The following L1CAM variants were observed in gnomAD, a reference collection of about 807,000 sequenced individuals.
L1CAM encodes neural cell adhesion molecule L1.
A neutral mutation model predicts 93.0 loss-of-function variants in L1CAM; 8 were observed. That is an observed-to-expected ratio of 0.09 (90% CI 0.05 to 0.16). The LOEUF (loss-of-function observed/expected upper bound fraction) is 0.16. L1CAM is among the 10% of genes least tolerant of loss of function. L1CAM has a pLI of 1.00. For missense variants in L1CAM, 777 were observed against 1,073.4 expected (o/e 0.72, Z 3.86); for synonymous variants, 453 against 453.0 (o/e 1.00, Z 0.00).
intron 26 of L1CAM, 86 bp from the exon 27 acceptor site, chrX:153,863,635 C>A: frequency 4.2e-6 from 4 of 952,212 alleles, no homozygotes; most frequent in Non-Finnish European, 5.9e-6. Flanking sequence ...ACCCCCAGCA[C>A]TCTGTCTCAA....
chrX:153,870,273 G>A, intron 8 of L1CAM, 33 bp from the exon 9 acceptor site: 1 of 1,201,499 alleles, frequency 8.3e-7, no homozygotes, highest in East Asian at 3.0e-5. Context: ...AGAGCAGAAG[G>A]GAGAAAGGAC....
chrX:153,863,485 G>A lies in L1CAM; in HGVS notation c.3522C>T (p.Gly1174=), dbSNP rs1316389838. ...EARPMKDETF[G]EYRSLESDNE... is the part of the protein sequence containing the mutation. ...CTCCTGCCCCGGCTCACCTGTACTCGCCGAAGGTCTCATCTTTCATCGGTC... is the reference window on the plus strand; with the variant it reads ...CTCCTGCCCCGGCTCACCTGTACTCACCGAAGGTCTCATCTTTCATCGGTC... Residue 1174 remains glycine, a synonymous_variant, in exon 27 of 29, where the codon GGC becomes GGT. Transcript: ENST00000370060. The A allele has an allele frequency of 8.3e-7, 1 of 1,211,048 alleles. No homozygotes were observed. Among genetic ancestry groups the A allele is most frequent in the Admixed American group, 2.2e-5 (1 of 46,069 alleles).
chrX:153,885,686 C>A, intron 1 of L1CAM: 1 of 323,776 alleles, frequency 3.1e-6, no homozygotes, highest in Non-Finnish European at 4.9e-6. Context: ...TGTGGGGGAG[C>A]GCTCGACCCG....
In L1CAM at chrX:153,870,914, G is replaced by A. The variant is rs202098484; in HGVS notation, c.570C>T (p.Asn190=). 29 of 1,208,962 alleles carry A rather than the reference G, an allele frequency of 2.4e-5. 1 individual carries two copies. Among genetic ancestry groups the A allele is most frequent in the Admixed American group, 6.6e-5 (3 of 45,668 alleles). The change falls in exon 7 of 29, where the codon AAC becomes AAT. Residue 190 remains asparagine (N), a synonymous_variant. Transcript: ENST00000370060. ...KQDERVTMGQ[N]GNLYFANVLT... The stretch of plus-strand genomic sequence containing the variant: ...GCACATTGGCAAAGTAGAGGTTGCC[G>A]TTCTGGCCCATCGTCACCCGCTCGT...
chrX:153,882,403 C>T (rs1045068059), intron 1 of L1CAM, among the ~76,000 whole-genome samples: 14 of 110,575 alleles, frequency 1.3e-4, no homozygotes, highest in Non-Finnish European at 1.9e-4. Flanking sequence ...CCTGTTGGGG[C>T]ATCTGAGGAG....
At chrX:153,869,748 C>T in intron 10 of L1CAM, 55 bp downstream of exon 10, 2 of 1,206,030 alleles carry the variant, frequency 1.7e-6, no homozygotes, top group Non-Finnish European at 2.2e-6. Context: ...CTTCCTCTCC[C>T]CCACAGCCCC....
At chrX:153,880,457 G>GT in intron 1 of L1CAM, 3 of 236,125 alleles carry the variant, frequency 1.3e-5, no homozygotes, top group Non-Finnish European at 1.6e-5. Context: ...ATGGTGCCTG[G>GT]TGACTCAGTG....
intron 7 of L1CAM, 39 bp from the exon 8 acceptor site, chrX:153,870,538 C>T (rs1557092802): frequency 1.8e-6 from 2 of 1,088,649 alleles, no homozygotes; most frequent in South Asian, 3.8e-5. Flanking sequence ...GCCCACTCTT[C>T]CCTCCACCCC....
chrX:153,872,876 G>C (rs1179195127), intron 3 of L1CAM, 179 bp from the exon 4 acceptor site: 4 of 477,264 alleles, frequency 8.4e-6, no homozygotes, highest in Non-Finnish European at 1.5e-5. Context: ...GAGGGAGAGA[G>C]GGGACAGCCA....
chrX:153,869,716 T>C, intron 10 of L1CAM, 53 bp from the exon 11 acceptor site: 1 of 1,200,681 alleles, frequency 8.3e-7, no homozygotes, highest in East Asian at 3.0e-5. Context: ...TGAGCTGCGT[T>C]GAGGCCCTTC....
Position 153,869,634 on chromosome X carries a change from G to C in L1CAM, c.1153C>G (p.Gln385Glu), listed in dbSNP as rs200187371. Reference sequence around the variant, plus strand: ...TTGCTCAGGATCAGGGCGCCACGCTGAATCCGGTACTTCTGGTCTTTGGCC... The same window carrying C: ...TTGCTCAGGATCAGGGCGCCACGCTCAATCCGGTACTTCTGGTCTTTGGCC... ...ELAKDQKYRIQRGALILSNVQ... is the reference protein window; with the variant it reads ...ELAKDQKYRIERGALILSNVQ... Residue 385 changes from glutamine (Q) to glutamate (E), a missense_variant, in exon 11 of 29, where the codon CAG (glutamine) becomes GAG (glutamate). This residue lies in a region of L1CAM where 574 missense variants were observed against 781.0 expected (regional missense o/e 0.73). Coordinates refer to ENST00000370060, the MANE Select transcript of L1CAM (RefSeq NM_001278116.2). 4 of 1,207,667 alleles carry C rather than the reference G, an allele frequency of 3.3e-6. No homozygotes were observed. Among genetic ancestry groups the C allele is most frequent in the Non-Finnish European group, 4.5e-6 (4 of 893,897 alleles).
At chrX:153,865,548 G>C in intron 20 of L1CAM, 48 bp from the exon 21 acceptor site, 2 of 1,131,424 alleles carry the variant, frequency 1.8e-6, no homozygotes. Flanking sequence ...GCACCCAGCA[G>C]GGCCCCCAGC....
intron 1 of L1CAM, 67 bp downstream of exon 1, chrX:153,885,998 G>A: frequency 7.2e-6 from 4 of 557,057 alleles, no homozygotes; most frequent in Non-Finnish European, 7.9e-6. Context: ...CCCGGGCAGA[G>A]CGGTGTGGTG....
chrX:153,869,125 GCCCTCTGCCTC>G lies in L1CAM; in HGVS notation c.1268-184_1268-174del, dbSNP rs2064743722. ...GTGTCTCTCTCTGCCTTCAGACACT[GCCCTCTGCCTC>G]AGATGCGCCTCTGGTCACAGCCACC... On this transcript the variant is annotated intron_variant, in intron 11 of 28. Transcript: ENST00000370060. 4.2e-5 allele frequency: 20 copies of G among 476,117 alleles called. No homozygotes were observed. The East Asian group carries it at 7.4e-4, about 18-fold the overall frequency. 39.2% of individuals were successfully genotyped at this position (476,117 alleles called of 1,213,427 possible). A position where few individuals can be genotyped will look rare whatever the true frequency, so the allele number is the denominator to read the frequency against.
chrX:153,875,854 C>G lies in L1CAM; in HGVS notation c.-18G>C. The G allele has an allele frequency of 8.3e-7, 1 of 1,201,672 alleles. No individual in the cohort carries two copies. On this transcript the variant is annotated 5_prime_UTR_variant, in exon 2 of 29. Coordinates refer to ENST00000370060, the MANE Select transcript of L1CAM (RefSeq NM_001278116.2). ...ACGACCATCTTTCCCGGCGGCACCG[C>G]GCAGCACAGCCAGCCGGGCTCGGTT... is the stretch of plus-strand genomic sequence containing the variant.
Position 153,864,712 on chromosome X carries a change from G to A in L1CAM, c.3047-8C>T, listed in dbSNP as rs1557090168. ...TGCCAAAATCTGAGATCCCTGGGGGGATGCAGGGGAACGAGGAGAGTGTGG... is the reference window on the plus strand; with the variant it reads ...TGCCAAAATCTGAGATCCCTGGGGGAATGCAGGGGAACGAGGAGAGTGTGG... On this transcript the variant is annotated splice_region_variant and splice_polypyrimidine_tract_variant and intron_variant, in intron 23 of 28. Coordinates refer to ENST00000370060, the MANE Select transcript of L1CAM (RefSeq NM_001278116.2). 6 of 1,212,228 alleles carry A rather than the reference G, an allele frequency of 4.9e-6. No homozygotes were observed. The Admixed American group carries it at 6.5e-5, about 13-fold the overall frequency.
Position 153,864,309 on chromosome X carries a change from C to T in L1CAM, c.3322+13G>A. On this transcript the variant is annotated intron_variant, in intron 25 of 28. Coordinates refer to ENST00000370060, the MANE Select transcript of L1CAM (RefSeq NM_001278116.2). ...CTTCCCTGGCAGGTGATGGCGGGCCCCCGGCGCCTCACCTGTGCCATTGGT... is the reference window on the plus strand; with the variant it reads ...CTTCCCTGGCAGGTGATGGCGGGCCTCCGGCGCCTCACCTGTGCCATTGGT... 8.3e-7 allele frequency: 1 copy of T among 1,209,330 alleles called. No individual in the cohort carries two copies.
chrX:153,884,681 C>G (rs1387025182), intron 1 of L1CAM, among the ~76,000 whole-genome samples: 3 of 112,189 alleles, frequency 2.7e-5, no homozygotes, highest in African/African-American at 9.7e-5. Flanking sequence ...CTCAAAGGCT[C>G]TGGAGCCCTC....
chrX:153,863,932 G>A lies in L1CAM; in HGVS notation c.3408C>T (p.Val1136=). 8.2e-7 allele frequency: 1 copy of A among 1,212,268 alleles called. No individual in the cohort carries two copies. The highest frequency in any genetic ancestry group is 1.8e-5 in the South Asian group (1 of 57,035). The change falls in exon 26 of 29, where the codon GTC becomes GTT. Residue 1136 remains valine (V), a synonymous_variant. Coordinates refer to ENST00000370060, the MANE Select transcript of L1CAM (RefSeq NM_001278116.2). Reference sequence around the variant, plus strand: ...GCTTGATGAAGCAGAGGATGAGCAGGACGAGGAGCAGGAGGATGATGGCAC... The same window carrying A: ...GCTTGATGAAGCAGAGGATGAGCAGAACGAGGAGCAGGAGGATGATGGCAC... ...FVSAIILLLL[V]LLILCFIKRS... is the part of the protein sequence containing the mutation.
Sources: allele counts gnomAD v4.1 joint callset (sites outside exome capture counted in the v4.1 genomes callset), GRCh38; gene constraint gnomAD v4.1.1; regional missense constraint gnomAD v4.1.1; transcripts MANE v1.5; gene names NCBI Gene and HGNC (gene_info 2026-07-23, HGNC 2026-07-21).